Variants in VPS13B observed in about 807,000 individuals in gnomAD.
VPS13B encodes the protein vacuolar protein sorting 13 homolog B, also known as intermembrane lipid transfer protein VPS13B.
A neutral mutation model predicts 426.4 loss-of-function variants in VPS13B; 285 were observed. The ratio of observed to expected loss-of-function variants is 0.67; its 90% CI spans 0.61 to 0.74. The LOEUF (loss-of-function observed/expected upper bound fraction) is 0.74. Ranked by LOEUF, VPS13B falls within the 30% of genes least tolerant of loss-of-function variation. VPS13B has a pLI of 0.00. For missense variants in VPS13B, 4,537 were observed against 4,782.6 expected (o/e 0.95, Z 1.51); for synonymous variants, 1,676 against 1,676.4 (o/e 1.00, Z 0.01).
intron 43 of VPS13B, chr8:99,796,939 C>T (rs1375919881): frequency 2.6e-5 from 4 of 152,206 alleles, no homozygotes; most frequent in Non-Finnish European, 4.4e-5. Context: ...GCATCACTTC[C>T]GCTACATTCT....
intron 19 of VPS13B, among the ~76,000 whole-genome samples, chr8:99,311,415 A>T (rs920516467): frequency 1.3e-5 from 2 of 152,064 alleles, no homozygotes; most frequent in South Asian, 2.1e-4. Flanking sequence ...TTCTGCCTTC[A>T]TTTCGTTATA....
chr8:99,229,560 G>T (rs146980603), intron 17 of VPS13B, among the ~76,000 whole-genome samples: 4 of 152,248 alleles, frequency 2.6e-5, no homozygotes, highest in African/African-American at 9.6e-5. Context: ...TGGGTGATAG[G>T]AACAAAACAG....
intron 39 of VPS13B, among the ~76,000 whole-genome samples, chr8:99,740,001 G>C (rs1333362960): frequency 6.6e-6 from 1 of 152,146 alleles, no homozygotes; most frequent in East Asian, 1.9e-4. Flanking sequence ...AGAGAAGAAG[G>C]CTTCAGACGA....
intron 34 of VPS13B, among the ~76,000 whole-genome samples, chr8:99,642,866 A>G (rs1424668831): frequency 6.6e-6 from 1 of 152,226 alleles, no homozygotes; most frequent in Admixed American, 6.5e-5. Context: ...AGATTAAAAA[A>G]GAAAAGCCTT....
intron 36 of VPS13B, among the ~76,000 whole-genome samples, chr8:99,715,463 T>C (rs949971929): frequency 6.6e-6 from 1 of 152,170 alleles, no homozygotes; most frequent in African/African-American, 2.4e-5. Flanking sequence ...GAGAATGAAA[T>C]AGAAATTGAT....
Position 99,855,091 on chromosome 8 carries a change from G to A in VPS13B, c.10867+835G>A, listed in dbSNP as rs151058631. Among the ~76,000 whole-genome samples the A allele has an allele frequency of 6.6e-3, 1,008 of 152,276 alleles. 6 individuals are homozygous for A. The highest frequency in any genetic ancestry group is 0.017 in the Middle Eastern group (5 of 294). The stretch of plus-strand genomic sequence containing the variant: ...GGACTACTGTGTACTAGCAACTGGT[G>A]GATAGCAGGCGCAGTGGCTCACACC... On this transcript the variant is annotated intron_variant, in intron 56 of 61. Transcript: ENST00000357162.
chr8:99,730,425 A>G (rs1833546377), intron 39 of VPS13B, among the ~76,000 whole-genome samples: 1 of 152,204 alleles, frequency 6.6e-6, no homozygotes, highest in African/African-American at 2.4e-5. Flanking sequence ...TTTTGCTTCC[A>G]GAAGCCATTG....
chr8:99,871,099 G>C, intron 60 of VPS13B: 2 of 619,022 alleles, frequency 3.2e-6, no homozygotes, highest in Non-Finnish European at 5.7e-6. Flanking sequence ...CCTCTGTTCC[G>C]TACCTAACCA....
At chr8:99,602,991 G>A (rs929179553) in intron 33 of VPS13B, among the ~76,000 whole-genome samples, 2 of 152,120 alleles carry the variant, frequency 1.3e-5, no homozygotes, top group South Asian at 2.1e-4. Flanking sequence ...TCCCCATCAA[G>A]CTACCATTGA....
At chr8:99,180,966 A>G (rs911880916) in intron 16 of VPS13B, among the ~76,000 whole-genome samples, 1 of 152,216 alleles carries the variant, frequency 6.6e-6, no homozygotes, top group Non-Finnish European at 1.5e-5. Flanking sequence ...GAAATTTAAT[A>G]TGACAGATCC....
rs184764639 is a variant in VPS13B at position 99,418,498 on chromosome 8, T to G, written c.3083-13039T>G. Among the ~76,000 whole-genome samples the G allele has an allele frequency of 7.0e-3, 1,005 of 143,102 alleles. 16 individuals are homozygous for G. Among genetic ancestry groups the G allele is most frequent in the African/African-American group, 0.026 (943 of 36,080 alleles). The allele number at this position is 143,102 out of a possible 152,430, so 93.9% of individuals were successfully genotyped here. ...TTCTTTCTTTCTTTCTTTCTTTCTT[T>G]CTTTCTTTCTTTCTTTCCTTTCTTT... On this transcript the variant is annotated intron_variant, in intron 21 of 61. Coordinates refer to ENST00000357162, the MANE Select transcript of VPS13B (RefSeq NM_152564.5).
chr8:99,062,312 A>C (rs1844232861), intron 3 of VPS13B, among the ~76,000 whole-genome samples: 1 of 152,224 alleles, frequency 6.6e-6, no homozygotes, highest in African/African-American at 2.4e-5. Flanking sequence ...CTGTTTATGT[A>C]GCAGTTCATA....
intron 19 of VPS13B, among the ~76,000 whole-genome samples, chr8:99,324,124 G>A (rs1238013678): frequency 6.6e-6 from 1 of 152,202 alleles, no homozygotes; most frequent in African/African-American, 2.4e-5. Context: ...AGCAGTAGGA[G>A]ATCGTTAAAA....
intron 17 of VPS13B, among the ~76,000 whole-genome samples, chr8:99,256,928 A>G (rs1817773075): frequency 6.6e-6 from 1 of 152,054 alleles, no homozygotes. Flanking sequence ...CTCTCACTAG[A>G]TTGTGAATTT....
intron 17 of VPS13B, among the ~76,000 whole-genome samples, chr8:99,256,397 T>C (rs2132937399): frequency 6.6e-6 from 1 of 152,310 alleles, no homozygotes; most frequent in South Asian, 2.1e-4. Flanking sequence ...CTGTTTTTAA[T>C]TTTGGGCACA....
chr8:99,734,541 G>T (rs558370327), intron 39 of VPS13B, among the ~76,000 whole-genome samples: 3 of 152,318 alleles, frequency 2.0e-5, no homozygotes, highest in Admixed American at 2.0e-4. Context: ...GGTGTGAAAA[G>T]TAGACTTAAA....
chr8:99,070,751 G>T (rs1844814992), intron 3 of VPS13B, among the ~76,000 whole-genome samples: 1 of 151,908 alleles, frequency 6.6e-6, no homozygotes, highest in South Asian at 2.1e-4. Flanking sequence ...ATTATTTCGA[G>T]ATCTTGTGGC....
intron 39 of VPS13B, among the ~76,000 whole-genome samples, chr8:99,763,135 C>CAGA (rs1298112887): frequency 1.7e-4 from 6 of 35,840 alleles, no homozygotes; most frequent in African/African-American, 8.4e-4. Context: ...GACCTTGTCT[C>CAGA]AAAAAAAAAA....
chr8:99,755,456 C>T (rs574816889), intron 39 of VPS13B, among the ~76,000 whole-genome samples: 1 of 152,230 alleles, frequency 6.6e-6, no homozygotes, highest in South Asian at 2.1e-4. Flanking sequence ...ACAACAACTA[C>T]AATGTATAGC....
Sources: allele counts gnomAD v4.1 joint callset (sites outside exome capture counted in the v4.1 genomes callset), GRCh38; gene constraint gnomAD v4.1.1; transcripts MANE v1.5; gene names NCBI Gene and HGNC (gene_info 2026-07-23, HGNC 2026-07-21).